The following LNPK variants were observed in gnomAD, a reference collection of about 807,000 sequenced individuals.
LNPK encodes endoplasmic reticulum junction formation protein lunapark.
Under a neutral mutation model 55.2 loss-of-function variants are expected in LNPK, and 29 were observed. That is an observed-to-expected ratio of 0.53 (90% CI 0.39 to 0.72). LNPK has a LOEUF of 0.72. Ranked by LOEUF, LNPK falls within the 30% of genes least tolerant of loss-of-function variation. The probability of loss-of-function intolerance (pLI) is 0.00; values close to 1 mark genes in which losing one functional copy is unlikely to be tolerated. For synonymous variants in LNPK, 162 were observed against 168.2 expected, an observed-to-expected ratio of 0.96 and a Z score of 0.29; for missense variants, 467 against 494.8, an observed-to-expected ratio of 0.94 and a Z score of 0.53.
intron 1 of LNPK, among the ~76,000 whole-genome samples, chr2:175,997,353 A>C (rs1687976850): frequency 6.6e-6 from 1 of 152,186 alleles, no homozygotes; most frequent in Non-Finnish European, 1.5e-5. Flanking sequence ...TTAAACTATA[A>C]ATTTCTATCT....
At chr2:175,979,225 T>C (rs1029641654) in intron 5 of LNPK, among the ~76,000 whole-genome samples, 1 of 152,152 alleles carries the variant, frequency 6.6e-6, no homozygotes, top group African/African-American at 2.4e-5. Flanking sequence ...AAGTTTTCCA[T>C]AAAGATTAAT....
rs75423104 is a variant in LNPK at position 175,931,964 on chromosome 2, T to C, written c.1055-1765A>G. On this transcript the variant is annotated intron_variant, in intron 12 of 12. Coordinates refer to ENST00000272748, the MANE Select transcript of LNPK (RefSeq NM_030650.3). ...ATGGTTTTCCACAACTCTCTGGCCA[T>C]AGAGCAGTATTTACTTGGCAAGAAC... is the stretch of plus-strand genomic sequence containing the variant. 939 of 297,506 alleles carry C rather than the reference T, an allele frequency of 3.2e-3. 7 individuals are homozygous for C. The highest frequency in any genetic ancestry group is 0.019 in the African/African-American group (875 of 46,172). The allele number at this position is 297,506 out of a possible 1,614,324, so 18.4% of individuals were successfully genotyped here. A position where few individuals can be genotyped will look rare whatever the true frequency, so the allele number is the denominator to read the frequency against.
chr2:175,984,098 G>C (rs1687299089), intron 4 of LNPK, among the ~76,000 whole-genome samples: 1 of 151,702 alleles, frequency 6.6e-6, no homozygotes, highest in South Asian at 2.1e-4. Context: ...CTCTGCAAAA[G>C]ACCCTGTTGG....
intron 8 of LNPK, among the ~76,000 whole-genome samples, chr2:175,951,242 G>T (rs917289555): frequency 6.6e-6 from 1 of 151,894 alleles, no homozygotes; most frequent in African/African-American, 2.4e-5. Context: ...ATTTCCATAG[G>T]TTACTGAGGA....
At chr2:175,931,830 T>C (rs1684292012) in intron 12 of LNPK, among the ~76,000 whole-genome samples, 1 of 152,168 alleles carries the variant, frequency 6.6e-6, no homozygotes, top group African/African-American at 2.4e-5. Flanking sequence ...CATGTACAAA[T>C]CATTTCTGCT....
At chr2:175,945,331 G>A (rs1685070557) in intron 9 of LNPK, among the ~76,000 whole-genome samples, 1 of 149,884 alleles carries the variant, frequency 6.7e-6, no homozygotes, top group African/African-American at 2.5e-5. Flanking sequence ...CCAATACGGC[G>A]AAACTCCTAC....
chr2:175,935,624 C>A (rs1171963495), intron 12 of LNPK: 2 of 180,628 alleles, frequency 1.1e-5, no homozygotes, highest in African/African-American at 4.8e-5. Context: ...ACTATCTTAA[C>A]CAAATGGAAT....
chr2:175,972,123 C>T (rs926419263), intron 5 of LNPK, among the ~76,000 whole-genome samples: 3 of 152,068 alleles, frequency 2.0e-5, no homozygotes, highest in African/African-American at 7.2e-5. Context: ...TCCATGTTGG[C>T]CAGGATGGTC....
intron 5 of LNPK, 135 bp from the exon 6 acceptor site, chr2:175,970,939 C>T: frequency 1.5e-6 from 1 of 653,572 alleles, no homozygotes; most frequent in East Asian, 4.7e-5. Context: ...TGTGTAGAGA[C>T]AAAAATTATC....
chr2:175,944,936 GTTT>G (rs368639578), intron 9 of LNPK, among the ~76,000 whole-genome samples: 1 of 146,378 alleles, frequency 6.8e-6, no homozygotes, highest in Non-Finnish European at 1.5e-5. Flanking sequence ...AGTACACTTT[GTTT>G]TTTTTTTGAG....
At chr2:175,985,535 G>A (rs1052728402) in intron 4 of LNPK, among the ~76,000 whole-genome samples, 3 of 152,200 alleles carry the variant, frequency 2.0e-5, no homozygotes, top group South Asian at 2.1e-4. Flanking sequence ...TTTATAGGTC[G>A]TGTTGGTATA....
intron 6 of LNPK, among the ~76,000 whole-genome samples, chr2:175,964,814 G>T (rs948754122): frequency 6.6e-6 from 1 of 152,070 alleles, no homozygotes. Flanking sequence ...ATTGCTAATT[G>T]TTTACATATA....
intron 9 of LNPK, 107 bp downstream of exon 9, chr2:175,947,373 C>T: frequency 1.2e-6 from 1 of 861,518 alleles, no homozygotes; most frequent in Non-Finnish European, 1.8e-6. Context: ...AACTGCTCTG[C>T]TATTTCCAAA....
At chr2:175,963,046 C>T (rs534039977) in intron 8 of LNPK, among the ~76,000 whole-genome samples, 2 of 147,562 alleles carry the variant, frequency 1.4e-5, no homozygotes, top group South Asian at 4.4e-4. Context: ...ATTAAAAAGT[C>T]AGGAAACAAC....
At chr2:175,962,190 T>C (rs1474246817) in intron 8 of LNPK, among the ~76,000 whole-genome samples, 1 of 152,126 alleles carries the variant, frequency 6.6e-6, no homozygotes, top group Non-Finnish European at 1.5e-5. Context: ...CTTCGCAGAA[T>C]TGGAAAAAAC....
intron 8 of LNPK, among the ~76,000 whole-genome samples, chr2:175,950,577 T>A (rs1056254114): frequency 6.6e-6 from 1 of 152,126 alleles, no homozygotes; most frequent in Non-Finnish European, 1.5e-5. Flanking sequence ...TTAAAACTAC[T>A]ATATTAAACA....
rs1316887290 is a variant in LNPK, at chr2:175,925,211, T to C, written c.*4756A>G. On this transcript the variant is annotated 3_prime_UTR_variant, in exon 13 of 13. Coordinates refer to ENST00000272748, the MANE Select transcript of LNPK (RefSeq NM_030650.3). ...GATACAACTATGTTCTCCATAACAA[T>C]AGTGACTGTGTGTCTAATGCATAAA... 1 of 152,150 alleles carries C rather than the reference T, an allele frequency of 6.6e-6. No individual in the cohort carries two copies. The highest frequency in any genetic ancestry group is 1.5e-5 in the Non-Finnish European group (1 of 68,038). The allele number at this position is 152,150 out of a possible 1,614,324, so 9.4% of individuals were successfully genotyped here.
At chr2:175,998,210 G>A (rs188828071) in intron 1 of LNPK, among the ~76,000 whole-genome samples, 2,762 of 152,152 alleles carry the variant, frequency 0.018, 88 homozygotes, top group African/African-American at 0.062. Context: ...TTGGGAGGCC[G>A]AGGCGGGTGG....
rs572829087 is a variant in LNPK at position 175,977,254 on chromosome 2, T to A, written c.316+2556A>T. On this transcript the variant is annotated intron_variant, in intron 5 of 12. Coordinates refer to ENST00000272748, the MANE Select transcript of LNPK (RefSeq NM_030650.3). ...TCACCTAGAGATGTACTGTCTAATG[T>A]ATTAATAATAGCCAGGAGCCACATG... Among the ~76,000 whole-genome samples, 8 of 152,322 alleles carry A rather than the reference T, an allele frequency of 5.3e-5. No individual in the cohort carries two copies. The East Asian group carries it at 1.5e-3, about 29-fold the overall frequency.
Sources: allele counts gnomAD v4.1 joint callset (sites outside exome capture counted in the v4.1 genomes callset), GRCh38; gene constraint gnomAD v4.1.1; transcripts MANE v1.5; gene names NCBI Gene and HGNC (gene_info 2026-07-23, HGNC 2026-07-21).